The following CNTN4 variants were observed in gnomAD, a reference collection of about 807,000 sequenced individuals.
CNTN4 encodes contactin 4, also known as contactin-4.
A neutral mutation model predicts 122.5 loss-of-function variants in CNTN4; 77 were observed. The observed-to-expected ratio is 0.63, with a 90% confidence interval of 0.52 to 0.76. The LOEUF (loss-of-function observed/expected upper bound fraction) is 0.76, where lower values mean the gene tolerates loss of function less well. Ranked by LOEUF, CNTN4 falls within the 30% of genes least tolerant of loss-of-function variation. The pLI, the probability that CNTN4 is intolerant of heterozygous loss-of-function variation, is 0.00. For missense variants in CNTN4, 1,256 were observed against 1,259.1 expected (o/e 1.00, Z 0.04); for synonymous variants, 512 against 447.0 (o/e 1.15, Z -1.83).
At chr3:2,447,526 C>G (rs1241672066) in intron 3 of CNTN4, among the ~76,000 whole-genome samples, 1 of 151,984 alleles carries the variant, frequency 6.6e-6, no homozygotes, top group Non-Finnish European at 1.5e-5. Context: ...TCTGTATCCA[C>G]TATTATAATG....
At chr3:2,320,263 T>C (rs1192627926) in intron 2 of CNTN4, among the ~76,000 whole-genome samples, 1 of 152,152 alleles carries the variant, frequency 6.6e-6, no homozygotes, top group African/African-American at 2.4e-5. Context: ...TACTTGAAAG[T>C]GTACTTAGAT....
chr3:2,478,723 G>A (rs916999429), intron 3 of CNTN4, among the ~76,000 whole-genome samples: 1 of 152,056 alleles, frequency 6.6e-6, no homozygotes, highest in Non-Finnish European at 1.5e-5. Flanking sequence ...TAAGGATAAT[G>A]GTCTCCAGCT....
At chr3:2,908,222 A>C (rs1034208966) in intron 12 of CNTN4, among the ~76,000 whole-genome samples, 7 of 152,250 alleles carry the variant, frequency 4.6e-5, no homozygotes, top group Non-Finnish European at 1.0e-4. Context: ...TAACTTAAAA[A>C]GTAAAGATAA....
At chr3:2,398,285 A>G (rs2046712730) in intron 3 of CNTN4, among the ~76,000 whole-genome samples, 1 of 152,162 alleles carries the variant, frequency 6.6e-6, no homozygotes, top group East Asian at 1.9e-4. Context: ...CATTAAAACA[A>G]AAACAAAAGA....
intron 2 of CNTN4, among the ~76,000 whole-genome samples, chr3:2,165,192 G>A (rs1027376447): frequency 6.6e-6 from 1 of 151,886 alleles, no homozygotes; most frequent in Admixed American, 6.6e-5. Context: ...GTGTGATGGC[G>A]GGCTCCTGTA....
At chr3:3,015,164 A>G (rs934613495) in intron 14 of CNTN4, among the ~76,000 whole-genome samples, 1 of 152,216 alleles carries the variant, frequency 6.6e-6, no homozygotes, top group South Asian at 2.1e-4. Context: ...TGCAGCAGGA[A>G]GAAGAGTCTC....
At chr3:2,166,667 T>C (rs1490166526) in intron 2 of CNTN4, among the ~76,000 whole-genome samples, 1 of 152,154 alleles carries the variant, frequency 6.6e-6, no homozygotes, top group African/African-American at 2.4e-5. Context: ...AGAATCTAGG[T>C]GCTGTGTGTA....
intron 2 of CNTN4, among the ~76,000 whole-genome samples, chr3:2,250,768 A>T (rs945467720): frequency 6.6e-6 from 1 of 151,904 alleles, no homozygotes; most frequent in African/African-American, 2.4e-5. Flanking sequence ...AAGAATGTGT[A>T]ATCTTAACAG....
chr3:2,482,961 A>C (rs143964871), intron 3 of CNTN4, among the ~76,000 whole-genome samples: 26 of 152,290 alleles, frequency 1.7e-4, no homozygotes, highest in African/African-American at 6.0e-4. Flanking sequence ...CCACTGTGGC[A>C]CTGCCTAGTG....
intron 2 of CNTN4, among the ~76,000 whole-genome samples, chr3:2,230,759 T>C (rs754581950): frequency 5.9e-5 from 9 of 152,086 alleles, no homozygotes; most frequent in Non-Finnish European, 8.8e-5. Flanking sequence ...CTGAGGCAGA[T>C]GGATTGCTTG....
chr3:2,768,830 G>A (rs921939319), intron 6 of CNTN4, among the ~76,000 whole-genome samples: 6 of 152,046 alleles, frequency 3.9e-5, no homozygotes, highest in Non-Finnish European at 8.8e-5. Flanking sequence ...GGCCTGTGAG[G>A]TATGATTTAT....
In CNTN4 at chr3:2,226,198, A is replaced by T. The variant is rs921794865; in HGVS notation, c.-144-112980A>T. ...GGTTTTATGTTGCCATTACATTCTT[A>T]CTTATGTTATTATGTTTTATTTCTT... On this transcript the variant is annotated intron_variant, in intron 2 of 24. Transcript: ENST00000418658. Among the ~76,000 whole-genome samples the T allele has an allele frequency of 5.3e-5, 8 of 152,024 alleles. No homozygotes were observed. The East Asian group carries it at 9.7e-4, about 18-fold the overall frequency.
intron 8 of CNTN4, among the ~76,000 whole-genome samples, chr3:2,881,821 TC>T (rs1397855205): frequency 6.6e-6 from 1 of 152,046 alleles, no homozygotes; most frequent in African/African-American, 2.4e-5. Context: ...ATTGCACCTG[TC>T]CCCCATCCAT....
At chr3:2,283,175 A>T (rs1033880593) in intron 2 of CNTN4, among the ~76,000 whole-genome samples, 2 of 152,064 alleles carry the variant, frequency 1.3e-5, no homozygotes, top group Non-Finnish European at 2.9e-5. Context: ...GCATTTTAAG[A>T]GAAGACATTA....
intron 2 of CNTN4, among the ~76,000 whole-genome samples, chr3:2,320,655 AGTTGTTT>A (rs2043247344): frequency 6.6e-6 from 1 of 152,138 alleles, no homozygotes; most frequent in Non-Finnish European, 1.5e-5. Context: ...TGCTGTTCTA[AGTTGTTT>A]GTGTCATTTT....
At chr3:2,115,069 A>G (rs184278168) in intron 2 of CNTN4, among the ~76,000 whole-genome samples, 8 of 152,234 alleles carry the variant, frequency 5.3e-5, no homozygotes, top group African/African-American at 1.9e-4. Context: ...CCACCCTCCT[A>G]ATAGGCAGTG....
intron 2 of CNTN4, among the ~76,000 whole-genome samples, chr3:2,242,965 C>A (rs2040002077): frequency 6.6e-6 from 1 of 152,100 alleles, no homozygotes; most frequent in South Asian, 2.1e-4. Flanking sequence ...AGGCTCTGAT[C>A]TGTAACATTT....
intron 2 of CNTN4, among the ~76,000 whole-genome samples, chr3:2,213,337 G>T (rs529859019): frequency 6.6e-6 from 1 of 152,108 alleles, no homozygotes; most frequent in Admixed American, 6.5e-5. Context: ...CCTCCCTGGA[G>T]CCTTGTCATA....
chr3:2,297,027 T>A (rs1466827976), intron 2 of CNTN4, among the ~76,000 whole-genome samples: 1 of 152,200 alleles, frequency 6.6e-6, no homozygotes, highest in African/African-American at 2.4e-5. Flanking sequence ...CCTTTGATCA[T>A]AGGCATTATT....
Sources: allele counts gnomAD v4.1 joint callset (sites outside exome capture counted in the v4.1 genomes callset), GRCh38; gene constraint gnomAD v4.1.1; transcripts MANE v1.5; gene names NCBI Gene and HGNC (gene_info 2026-07-23, HGNC 2026-07-21).